Variants in PLA2G4A observed in about 807,000 individuals in gnomAD.
PLA2G4A encodes the protein cytosolic phospholipase A2.
Under a neutral mutation model 81.9 loss-of-function variants are expected in PLA2G4A, and 40 were observed. That is an observed-to-expected ratio of 0.49 (90% CI 0.38 to 0.64). The LOEUF (loss-of-function observed/expected upper bound fraction) is 0.64. Ranked by LOEUF, PLA2G4A falls within the 30% of genes least tolerant of loss-of-function variation. The pLI, the probability that PLA2G4A is intolerant of heterozygous loss-of-function variation, is 0.00. For synonymous variants in PLA2G4A, 302 were observed against 296.9 expected, an observed-to-expected ratio of 1.02 and a Z score of -0.18; for missense variants, 715 against 905.1, an observed-to-expected ratio of 0.79 and a Z score of 2.69.
At chr1:186,931,674 G>T (rs998601789) in intron 7 of PLA2G4A, among the ~76,000 whole-genome samples, 3 of 151,560 alleles carry the variant, frequency 2.0e-5, no homozygotes, top group African/African-American at 4.9e-5. Flanking sequence ...CAATCTTTTT[G>T]GTCCTTCTGG....
intron 3 of PLA2G4A, among the ~76,000 whole-genome samples, chr1:186,890,220 T>C (rs1341920164): frequency 4.6e-5 from 7 of 152,180 alleles, no homozygotes; most frequent in African/African-American, 1.7e-4. Flanking sequence ...CCTTAAATAT[T>C]GTAATTGTCG....
chr1:186,926,323 T>C (rs1285827451), intron 7 of PLA2G4A, among the ~76,000 whole-genome samples: 1 of 152,198 alleles, frequency 6.6e-6, no homozygotes, highest in Non-Finnish European at 1.5e-5. Flanking sequence ...TTCTCTGGGC[T>C]ATCCTTCAAA....
intron 10 of PLA2G4A, among the ~76,000 whole-genome samples, chr1:186,945,607 C>T (rs903837649): frequency 2.0e-4 from 30 of 152,010 alleles, no homozygotes; most frequent in African/African-American, 6.8e-4. Flanking sequence ...CGTGATAGAG[C>T]CTACAGCACT....
chr1:186,980,901 A>G (rs1467101935), intron 17 of PLA2G4A, among the ~76,000 whole-genome samples: 4 of 152,192 alleles, frequency 2.6e-5, no homozygotes, highest in South Asian at 4.1e-4. Context: ...AATATATAGC[A>G]TATGTCATTT....
At chr1:186,896,992 A>C (rs914851127) in intron 5 of PLA2G4A, among the ~76,000 whole-genome samples, 6 of 152,046 alleles carry the variant, frequency 3.9e-5, no homozygotes, top group African/African-American at 1.4e-4. Context: ...ATCTTTCTAC[A>C]GTGTTTACAG....
At position 186,956,251 on chromosome 1, in the gene PLA2G4A, T is replaced by C; in HGVS notation, c.1486T>C (p.Leu496=). 6.2e-7 allele frequency: 1 copy of C among 1,613,820 alleles called. No individual in the cohort carries two copies. The highest frequency in any genetic ancestry group is 8.5e-7 in the Non-Finnish European group (1 of 1,179,720). ...GAAGGTACACAACTTCATGCTGGGC[T>C]TGAATCTCAATACATCTTATCCACT... ...AGKVHNFMLG[L]NLNTSYPLSP... is the part of the protein sequence containing the mutation. The change falls in exon 14 of 18, where the codon TTG becomes CTG. Residue 496 remains leucine (L), a synonymous_variant. Coordinates refer to ENST00000367466, the MANE Select transcript of PLA2G4A (RefSeq NM_024420.3).
At chr1:186,876,971 T>A (rs568476390) in intron 3 of PLA2G4A, among the ~76,000 whole-genome samples, 1 of 152,142 alleles carries the variant, frequency 6.6e-6, no homozygotes, top group African/African-American at 2.4e-5. Context: ...TGTTAATCAT[T>A]CCCTTGGAAA....
At chr1:186,892,407 G>T (rs1037969834) in intron 3 of PLA2G4A, among the ~76,000 whole-genome samples, 1 of 152,048 alleles carries the variant, frequency 6.6e-6, no homozygotes, top group African/African-American at 2.4e-5. Context: ...ATGTTTTCTT[G>T]TTGTAGTTTT....
chr1:186,972,358 A>T (rs887676898), intron 15 of PLA2G4A, among the ~76,000 whole-genome samples: 14 of 152,280 alleles, frequency 9.2e-5, no homozygotes, highest in Admixed American at 8.5e-4. Context: ...ATCCAAAGAC[A>T]ATCAGTGAGA....
chr1:186,909,589 G>A (rs1466178384), intron 6 of PLA2G4A, among the ~76,000 whole-genome samples: 1 of 151,040 alleles, frequency 6.6e-6, no homozygotes, highest in Non-Finnish European at 1.5e-5. Flanking sequence ...GAACCCAGGA[G>A]GCGGAGGTTG....
At chr1:186,881,480 A>G (rs1215753095) in intron 3 of PLA2G4A, among the ~76,000 whole-genome samples, 2 of 151,966 alleles carry the variant, frequency 1.3e-5, no homozygotes, top group South Asian at 2.1e-4. Flanking sequence ...ACTCCCAGCA[A>G]TTCCCAGGAA....
At chr1:186,853,095 A>T (rs1365972604) in intron 1 of PLA2G4A, among the ~76,000 whole-genome samples, 1 of 151,966 alleles carries the variant, frequency 6.6e-6, no homozygotes, top group African/African-American at 2.4e-5. Context: ...TGGTTGATGC[A>T]CCAGAATGAA....
At chr1:186,988,971 T>TATAAAAATAAAGCATGAGAA (rs1657985600) in exon 18 of PLA2G4A, 1 of 153,124 alleles carries the variant, frequency 6.5e-6, no homozygotes, top group African/African-American at 2.4e-5. Flanking sequence ...AATACATCAA[T>TATAAAAATAAAGCATGAGAA]ATAAAAATAA....
Position 186,848,722 on chromosome 1 carries a change from TACAC to T in PLA2G4A, c.-69-5544_-69-5541del, listed in dbSNP as rs10651334. Among the ~76,000 whole-genome samples, 1,367 of 148,872 alleles carry T rather than the reference TACAC, an allele frequency of 9.2e-3. 27 individuals are homozygous for T. Among genetic ancestry groups the T allele is most frequent in the African/African-American group, 0.032 (1,291 of 40,784 alleles). On this transcript the variant is annotated intron_variant, in intron 1 of 17. Transcript: ENST00000367466. ...CTTGTAGTTCTTAACCTAGTGATTT[TACAC>T]ACACACACACACACACACATACACA...
chr1:186,911,239 G>A lies in PLA2G4A; in HGVS notation c.417-9G>A. On this transcript the variant is annotated splice_polypyrimidine_tract_variant and intron_variant, in intron 6 of 17. Transcript: ENST00000367466. ...ACTGGCTCATGACTTTATCTGTTTG[G>A]TATTACAGCTCATGCCCAGACCTAC... The A allele has an allele frequency of 6.2e-7, 1 of 1,612,622 alleles. No homozygotes were observed. Among genetic ancestry groups the A allele is most frequent in the Non-Finnish European group, 8.5e-7 (1 of 1,178,658 alleles).
chr1:186,946,606 A>G, intron 10 of PLA2G4A, 31 bp from the exon 11 acceptor site: 1 of 1,545,784 alleles, frequency 6.5e-7, no homozygotes, highest in Non-Finnish European at 8.9e-7. Flanking sequence ...TTTCCTATTA[A>G]TGGATTGCCT....
intron 16 of PLA2G4A, among the ~76,000 whole-genome samples, chr1:186,978,443 A>T (rs1174904172): frequency 1.3e-5 from 2 of 152,190 alleles, no homozygotes; most frequent in Non-Finnish European, 2.9e-5. Flanking sequence ...AGACACAAAA[A>T]ATAGGGAGGA....
chr1:186,888,180 C>T (rs1374431929), intron 3 of PLA2G4A, among the ~76,000 whole-genome samples: 1 of 152,182 alleles, frequency 6.6e-6, no homozygotes, highest in Non-Finnish European at 1.5e-5. Context: ...AGCTATTAAA[C>T]TGGATTCTGA....
intron 1 of PLA2G4A, among the ~76,000 whole-genome samples, chr1:186,842,066 G>A (rs1371435347): frequency 7.7e-5 from 11 of 143,292 alleles, no homozygotes; most frequent in African/African-American, 1.3e-4. Context: ...TTTTTGAGAT[G>A]GAGTCTCTCT....
Sources: allele counts gnomAD v4.1 joint callset (sites outside exome capture counted in the v4.1 genomes callset), GRCh38; gene constraint gnomAD v4.1.1; transcripts MANE v1.5; gene names NCBI Gene and HGNC (gene_info 2026-07-23, HGNC 2026-07-21).